The following MAP4K5 variants were observed in gnomAD, a reference collection of about 807,000 sequenced individuals.
MAP4K5 encodes mitogen-activated protein kinase kinase kinase kinase 5, also known as MAPK/ERK kinase kinase kinase 5.
MAP4K5 carries 82 observed loss-of-function variants against 135.6 expected under a neutral mutation model. The observed-to-expected ratio is 0.60, with a 90% CI of 0.51 to 0.73. The LOEUF is 0.73. Among genes scored for constraint, MAP4K5 ranks in the 30% least tolerant of loss-of-function variants. MAP4K5 has a pLI of 0.00. For missense variants in MAP4K5, 907 were observed against 1,010.9 expected (o/e 0.90, Z 1.39); for synonymous variants, 347 against 335.0 (o/e 1.04, Z -0.39).
intron 6 of MAP4K5, among the ~76,000 whole-genome samples, chr14:50,478,288 T>C (rs1038277202): frequency 6.6e-6 from 1 of 152,024 alleles, no homozygotes; most frequent in Non-Finnish European, 1.5e-5. Flanking sequence ...TTCTTCTCTT[T>C]TTACTTTTTT....
At chr14:50,533,409 C>G (rs982446540), upstream of MAP4K5, 6 of 151,866 alleles carry the variant, frequency 4.0e-5, no homozygotes, top group African/African-American at 2.4e-5. Flanking sequence ...GTTTATAAAG[C>G]GTTTTACAGG....
chr14:50,542,676 T>C (rs1038387956), intron 1 of MAP4K5: 2 of 152,132 alleles, frequency 1.3e-5, no homozygotes, highest in Non-Finnish European at 2.9e-5. Context: ...CCATTATCTA[T>C]AGGCTCATAG....
rs138288821 is a variant in MAP4K5 at position 50,552,452 on chromosome 14, T to C, written c.-180+8588A>G. ...CATGACCATACTGCCAAAAGCAATA[T>C]ACAGATGCAATGCAATTCCCATCAA... On this transcript the variant is annotated intron_variant, in intron 1 of 8. Transcript: ENST00000555216. Among the ~76,000 whole-genome samples the C allele has an allele frequency of 2.0e-5, 3 of 152,270 alleles. No individual in the cohort carries two copies. In the East Asian group the frequency reaches 5.8e-4, roughly 29 times the overall value.
At chr14:50,560,004 G>C (rs1439367161) in intron 1 of MAP4K5, 2 of 546,024 alleles carry the variant, frequency 3.7e-6, no homozygotes, top group Non-Finnish European at 6.6e-6. Flanking sequence ...CTGTCTTCAC[G>C]GTCTGGGGGT....
At chr14:50,490,101 C>CAGACAGAGAG (rs1227906075) in intron 3 of MAP4K5, among the ~76,000 whole-genome samples, 2 of 136,938 alleles carry the variant, frequency 1.5e-5, no homozygotes, top group East Asian at 4.5e-4. Flanking sequence ...GAGAGAGAGA[C>CAGACAGAGAG]AGACAGAGAG....
intron 1 of MAP4K5, among the ~76,000 whole-genome samples, chr14:50,557,655 G>A (rs1168565454): frequency 6.6e-6 from 1 of 152,128 alleles, no homozygotes; most frequent in Non-Finnish European, 1.5e-5. Flanking sequence ...ACATAACCAT[G>A]TATGTTTATA....
At chr14:50,530,688 T>C (rs186998701) in intron 2 of MAP4K5, among the ~76,000 whole-genome samples, 16 of 152,298 alleles carry the variant, frequency 1.1e-4, no homozygotes, top group Admixed American at 8.5e-4. Flanking sequence ...ATTCACAAGG[T>C]AAGAGCCAGA....
At chr14:50,449,159 A>G (rs975052458) in intron 14 of MAP4K5, 1 of 215,384 alleles carries the variant, frequency 4.6e-6, no homozygotes, top group African/African-American at 2.3e-5. Flanking sequence ...TATGCTGTAG[A>G]CTCTGTTTTG....
At chr14:50,553,270 CA>C (rs35423067) in intron 1 of MAP4K5, among the ~76,000 whole-genome samples, 263 of 103,080 alleles carry the variant, frequency 2.6e-3, no homozygotes, top group African/African-American at 4.5e-3. Flanking sequence ...GACTCCGTTT[CA>C]AAAAAAAAAA....
rs955257471 is a variant in MAP4K5, at chr14:50,419,548, A to G, written c.*471T>C. ...CCACTCCAGCAAGAGATTAATAAAT[A>G]AGGATTAAATATTCTGTTTTACAAA... On this transcript the variant is annotated 3_prime_UTR_variant, in exon 33 of 33. Transcript: ENST00000682126. The G allele has an allele frequency of 1.9e-5, 3 of 154,616 alleles. No individual in the cohort carries two copies. The highest frequency in any genetic ancestry group is 7.2e-5 in the African/African-American group (3 of 41,478). The allele number at this position is 154,616 out of a possible 1,614,324, so 9.6% of individuals were successfully genotyped here. A position where few individuals can be genotyped will look rare whatever the true frequency, so the allele number is the denominator to read the frequency against.
chr14:50,428,675 G>T lies in MAP4K5; in HGVS notation c.2313C>A (p.Arg771=). ...AAGGAAACTTACCTACAGATTCAAT[G>T]CGAAAATCAAAACTTAACTCAGAGG... The part of the protein sequence containing the change: ...KLASELSFDF[R]IESVVCLQDS... Residue 771 remains arginine, a synonymous_variant, in exon 30 of 33, where the codon CGC becomes CGA. Coordinates refer to ENST00000682126, the MANE Select transcript of MAP4K5 (RefSeq NM_006575.6). The T allele has an allele frequency of 6.6e-7, 1 of 1,511,066 alleles. No individual in the cohort carries two copies. Among genetic ancestry groups the T allele is most frequent in the South Asian group, 1.3e-5 (1 of 76,538 alleles). The allele number at this position is 1,511,066 out of a possible 1,614,324, so 93.6% of individuals were successfully genotyped here.
rs192423938 is a variant in MAP4K5, at chr14:50,430,458, G to A, written c.2165-1198C>T. Among the ~76,000 whole-genome samples, 20 of 152,280 alleles carry A rather than the reference G, an allele frequency of 1.3e-4. No individual in the cohort carries two copies. The East Asian group carries it at 2.3e-3, about 18-fold the overall frequency. On this transcript the variant is annotated intron_variant, in intron 28 of 32. Coordinates refer to ENST00000682126, the MANE Select transcript of MAP4K5 (RefSeq NM_006575.6). ...TAAAAGTACTTTTCCTAACACAGAC[G>A]CATTCATTGTATGACTTTTCCTTCA...
At position 50,418,553 on chromosome 14, in the gene MAP4K5, T is replaced by C. The variant is rs970841360; in HGVS notation, c.*1466A>G. On this transcript the variant is annotated 3_prime_UTR_variant, in exon 33 of 33. Coordinates refer to ENST00000682126, the MANE Select transcript of MAP4K5 (RefSeq NM_006575.6). ...TGTATAACATTTTATTGTTTGCGTA[T>C]TGCATAGTGAAAAGAACAGAGTCAG... The C allele has an allele frequency of 6.6e-6, 1 of 152,666 alleles. No homozygotes were observed. 9.5% of individuals were successfully genotyped at this position (152,666 alleles called of 1,614,324 possible).
chr14:50,423,873 T>C (rs536995194), intron 31 of MAP4K5, among the ~76,000 whole-genome samples: 5 of 152,220 alleles, frequency 3.3e-5, no homozygotes, highest in East Asian at 3.8e-4. Flanking sequence ...CAACATGGGA[T>C]AGCAGTTGCT....
At position 50,423,700 on chromosome 14, in the gene MAP4K5, T is replaced by G. The variant is rs575066120; in HGVS notation, c.2398-524A>C. ...AGGAGGATCGCTTGAGCCCAGGAGTTCAAGGATACAGTGAACTATGATTGC... is the reference window on the plus strand; with the variant it reads ...AGGAGGATCGCTTGAGCCCAGGAGTGCAAGGATACAGTGAACTATGATTGC... On this transcript the variant is annotated intron_variant, in intron 31 of 32. Coordinates refer to ENST00000682126, the MANE Select transcript of MAP4K5 (RefSeq NM_006575.6). 2.6e-5 allele frequency among the ~76,000 whole-genome samples: 4 copies of G among 152,204 alleles called. 1 individual carries two copies. The South Asian group carries it at 8.3e-4, about 32-fold the overall frequency.
intron 6 of MAP4K5, among the ~76,000 whole-genome samples, chr14:50,481,266 C>T (rs11157747): frequency 0.84 from 126,316 of 150,108 alleles, 54,659 homozygotes; most frequent in East Asian, 0.93. Flanking sequence ...CACACACATA[C>T]GTACATACAT....
chr14:50,490,666 A>C (rs964456768), intron 3 of MAP4K5, among the ~76,000 whole-genome samples: 5 of 152,190 alleles, frequency 3.3e-5, no homozygotes, highest in Non-Finnish European at 7.3e-5. Context: ...TGGAGTGGGC[A>C]GCCAACCCCC....
intron 2 of MAP4K5, among the ~76,000 whole-genome samples, chr14:50,519,417 G>C (rs2038100988): frequency 6.6e-6 from 1 of 152,124 alleles, no homozygotes; most frequent in South Asian, 2.1e-4. Flanking sequence ...CACTTCGGGA[G>C]GTCAAGAAGG....
Position 50,470,653 on chromosome 14 carries a change from T to TACACAC in MAP4K5, c.543-1877_543-1872dup, listed in dbSNP as rs59377868. ...TGTTTCACATATTTTCATCCATTTTTACACACACACACACACACACACACA... is the reference window on the plus strand; with the variant it reads ...TGTTTCACATATTTTCATCCATTTTTACACACACACACACACACACACACACACACA... On this transcript the variant is annotated intron_variant, in intron 9 of 32. Transcript: ENST00000682126. Among the ~76,000 whole-genome samples the TACACAC allele has an allele frequency of 3.6e-4, 54 of 149,212 alleles. 1 individual carries two copies. Among genetic ancestry groups the TACACAC allele is most frequent in the African/African-American group, 1.3e-3 (52 of 40,642 alleles).
Sources: gnomAD v4.1 joint callset for allele counts (sites outside exome capture counted in the v4.1 genomes callset) on GRCh38, gnomAD v4.1.1 for gene constraint, MANE v1.5 for transcripts, NCBI Gene and HGNC (gene_info 2026-07-23, HGNC 2026-07-21) for gene names.